Variants in AMER2 observed in about 807,000 individuals in gnomAD.
AMER2 encodes family with sequence similarity 123A.
A neutral mutation model predicts 4.7 loss-of-function variants in AMER2; 1 was observed. The ratio of observed to expected loss-of-function variants is 0.21; its 90% CI spans 0.07 to 1.00. The LOEUF (loss-of-function observed/expected upper bound fraction) is 1.00. AMER2 is among the 50% of genes least tolerant of loss of function. The pLI is 0.60. For synonymous variants in AMER2, 485 were observed against 433.3 expected (o/e 1.12, Z -1.48); for missense variants, 988 against 966.9 (o/e 1.02, Z -0.29).
chr13:25,170,253 C>T lies in AMER2; in HGVS notation c.1367G>A (p.Gly456Asp). 6.2e-7 allele frequency: 1 copy of T among 1,612,830 alleles called. No homozygotes were observed. ...TEEQGPEPQE[G>D]AAKVAAALET... ...CAGCGCAGCTGCCACCTTAGCCGCG[C>T]CCTCCTGGGGCTCGGGTCCCTGCTC... is the stretch of plus-strand genomic sequence containing the variant. The change falls in exon 1 of 1, where the codon GGC (glycine) becomes GAC (aspartate). Residue 456 changes from glycine (G) to aspartate (D), a missense_variant. Transcript: ENST00000515384. The surrounding 1 kb of genome is among the most constrained non-coding windows in gnomAD (Gnocchi z 7.3).
In AMER2 at chr13:25,171,872, G is replaced by A; in HGVS notation, c.-253C>T. On this transcript the variant is annotated 5_prime_UTR_variant, in exon 1 of 1. Coordinates refer to ENST00000515384, the MANE Select transcript of AMER2 (RefSeq NM_152704.4). The surrounding 1 kb of genome is among the most constrained non-coding windows in gnomAD (Gnocchi z 5.9). The stretch of plus-strand genomic sequence containing the variant: ...CCGCGAGCTGATTGCAGAAATTCGA[G>A]TCGTAATTATGGAATTCAAATTCCC... 2 of 583,064 alleles carry A rather than the reference G, an allele frequency of 3.4e-6. No homozygotes were observed. The highest frequency in any genetic ancestry group is 5.1e-6 in the Non-Finnish European group (2 of 390,312). The allele number at this position is 583,064 out of a possible 1,614,324, so 36.1% of individuals were successfully genotyped here. A position where few individuals can be genotyped will look rare whatever the true frequency, so the allele number is the denominator to read the frequency against.
rs774202424 is a variant in AMER2 at position 25,170,943 on chromosome 13, A to G, written c.677T>C (p.Leu226Pro). The change falls in exon 1 of 1, where the codon CTA becomes CCA. Residue 226 changes from leucine (L) to proline (P), a missense_variant. By Grantham distance (98) the Leu-to-Pro change is moderately conservative. Transcript: ENST00000515384. This position sits in a 1 kb window ranked among gnomAD's most constrained non-coding sequence, Gnocchi z 7.3. ...EGRAPGGGLI[L>P]PGSLTASLEC... The stretch of plus-strand genomic sequence containing the variant: ...CAGGCTGGCGGTGAGCGAGCCGGGT[A>G]GGATCAAGCCGCCCCCGGGCGCGCG... 1.4e-5 allele frequency: 21 copies of G among 1,521,066 alleles called. 1 individual carries two copies. The East Asian group carries it at 4.0e-4, about 29-fold the overall frequency. 94.2% of individuals were successfully genotyped at this position (1,521,066 alleles called of 1,614,324 possible). A position where few individuals can be genotyped will look rare whatever the true frequency, so the allele number is the denominator to read the frequency against.
Position 25,171,553 on chromosome 13 carries a change from C to G in AMER2, c.67G>C (p.Val23Leu). 1 of 1,575,662 alleles carries G rather than the reference C, an allele frequency of 6.3e-7. No individual in the cohort carries two copies. Among genetic ancestry groups the G allele is most frequent in the Non-Finnish European group, 8.6e-7 (1 of 1,168,988 alleles). ...TCCGCCTTCCTCCTGCAGACCCCCA[C>G]GGACGCGCCAGCTCCGCCGCGCTCG... is the stretch of plus-strand genomic sequence containing the variant. ...VSERGGAGAS[V>L]GVCRRKAEAG... is the part of the protein sequence containing the mutation. Residue 23 changes from valine (V) to leucine (L), a missense_variant, in exon 1 of 1, where the codon GTG becomes CTG. Val to Leu is a conservative substitution (Grantham distance 32). Coordinates refer to ENST00000515384, the MANE Select transcript of AMER2 (RefSeq NM_152704.4). The surrounding 1 kb of genome is among the most constrained non-coding windows in gnomAD (Gnocchi z 5.9).
rs937091123 is a variant in AMER2, at chr13:25,167,754, G to C, written c.*1850C>G. 1 of 152,094 alleles carries C rather than the reference G, an allele frequency of 6.6e-6. No homozygotes were observed. Among genetic ancestry groups the C allele is most frequent in the South Asian group, 2.1e-4 (1 of 4,822 alleles). 9.4% of individuals were successfully genotyped at this position (152,094 alleles called of 1,614,324 possible). ...TTGAATCACTGCAAATTTAAAATGGGGAATGGCCTACTTTCTGCTACTGGC... is the reference window on the plus strand; with the variant it reads ...TTGAATCACTGCAAATTTAAAATGGCGAATGGCCTACTTTCTGCTACTGGC... On this transcript the variant is annotated 3_prime_UTR_variant, in exon 1 of 1. Coordinates refer to ENST00000515384, the MANE Select transcript of AMER2 (RefSeq NM_152704.4).
rs866816754 is a variant in AMER2 at position 25,167,625 on chromosome 13, A to C, written c.*1979T>G. The C allele has an allele frequency of 3.9e-4, 60 of 152,294 alleles. No individual in the cohort carries two copies. Among genetic ancestry groups the C allele is most frequent in the African/African-American group, 1.4e-3 (60 of 41,590 alleles). 9.4% of individuals were successfully genotyped at this position (152,294 alleles called of 1,614,324 possible). A position where few individuals can be genotyped will look rare whatever the true frequency, so the allele number is the denominator to read the frequency against. ...AGGGCCTCATTTACACACATAAAGA[A>C]ATTAAATATTAAAAGATTACTTTGA... On this transcript the variant is annotated 3_prime_UTR_variant, in exon 1 of 1. Coordinates refer to ENST00000515384, the MANE Select transcript of AMER2 (RefSeq NM_152704.4).
In AMER2 at chr13:25,166,102, GCAAATACTTGAAGACTA is replaced by G. The variant is rs1269672976; in HGVS notation, c.*3485_*3501del. ...AGGGCTATTTGCATACTGTTTAACT[GCAAATACTTGAAGACTA>G]CCTCTGAGATGAAGAAATAAATCCT... is the stretch of plus-strand genomic sequence containing the variant. On this transcript the variant is annotated 3_prime_UTR_variant, in exon 1 of 1. Coordinates refer to ENST00000515384, the MANE Select transcript of AMER2 (RefSeq NM_152704.4). 2.6e-5 allele frequency: 4 copies of G among 152,212 alleles called. No individual in the cohort carries two copies. Among genetic ancestry groups the G allele is most frequent in the African/African-American group, 9.6e-5 (4 of 41,460 alleles). The allele number at this position is 152,212 out of a possible 1,614,324, so 9.4% of individuals were successfully genotyped here. A position where few individuals can be genotyped will look rare whatever the true frequency, so the allele number is the denominator to read the frequency against.
In AMER2 at chr13:25,166,896, T is replaced by C. The variant is rs932521199; in HGVS notation, c.*2708A>G. 1 of 152,202 alleles carries C rather than the reference T, an allele frequency of 6.6e-6. No homozygotes were observed. The highest frequency in any genetic ancestry group is 1.5e-5 in the Non-Finnish European group (1 of 68,022). 9.4% of individuals were successfully genotyped at this position (152,202 alleles called of 1,614,324 possible). A position where few individuals can be genotyped will look rare whatever the true frequency, so the allele number is the denominator to read the frequency against. The stretch of plus-strand genomic sequence containing the variant: ...ACTCCAGGGATTTCCCATCAAGTGA[T>C]TGAGGCTGTTTAATTCATTGCCCAA... On this transcript the variant is annotated 3_prime_UTR_variant, in exon 1 of 1. Coordinates refer to ENST00000515384, the MANE Select transcript of AMER2 (RefSeq NM_152704.4).
In AMER2 at chr13:25,170,602, C is replaced by T. The variant is rs1232865156; in HGVS notation, c.1018G>A (p.Gly340Ser). The change falls in exon 1 of 1, where the codon GGC becomes AGC. Residue 340 changes from glycine (G) to serine (S), a missense_variant. Gly to Ser is a moderately conservative substitution (Grantham distance 56). Transcript: ENST00000515384. This position sits in a 1 kb window ranked among gnomAD's most constrained non-coding sequence, Gnocchi z 7.3. Reference protein sequence around the residue: ...VPLVDSEGGSGRAPAAPDPAS... With the variant: ...VPLVDSEGGSSRAPAAPDPAS... The stretch of plus-strand genomic sequence containing the variant: ...GGGTCTGGGGCGGCGGGCGCCCGGC[C>T]GCTGCCGCCTTCGGAGTCGACAAGG... 10 of 1,586,318 alleles carry T rather than the reference C, an allele frequency of 6.3e-6. No individual in the cohort carries two copies. The highest frequency in any genetic ancestry group is 8.6e-6 in the Non-Finnish European group (10 of 1,165,786).
At position 25,170,704 on chromosome 13, in the gene AMER2, C is replaced by G. The variant is rs777199055; in HGVS notation, c.916G>C (p.Ala306Pro). Reference sequence around the variant, plus strand: ...CGGACCTCCCCGGGCCCCGGCTCGGCGCGCCGATGCCCCGCGGCGTCCTCT... The same window carrying G: ...CGGACCTCCCCGGGCCCCGGCTCGGGGCGCCGATGCCCCGCGGCGTCCTCT... ...RGEDAAGHRR[A>P]EPGPGEVRTA... The change falls in exon 1 of 1, where the codon GCC becomes CCC. Residue 306 changes from alanine to proline, a missense_variant. Physicochemically the swap from Ala to Pro is conservative, Grantham distance 27. Transcript: ENST00000515384. This position sits in a 1 kb window ranked among gnomAD's most constrained non-coding sequence, Gnocchi z 7.3. The G allele has an allele frequency of 6.0e-6, 9 of 1,498,390 alleles. No homozygotes were observed. The highest frequency in any genetic ancestry group is 5.6e-5 in the East Asian group (2 of 35,724). 92.8% of individuals were successfully genotyped at this position (1,498,390 alleles called of 1,614,324 possible).
Position 25,170,384 on chromosome 13 carries a change from G to A in AMER2, c.1236C>T (p.Asn412=), listed in dbSNP as rs768255920. ...CTCCTTGGTAGGCCACCACGCCGGG[G>A]TTCTTTTTAGACAGAGCCGGCTTGC... is the stretch of plus-strand genomic sequence containing the variant. The part of the protein sequence containing the change: ...GPGKPALSKK[N]PGVVAYQGGG... The change falls in exon 1 of 1, where the codon AAC becomes AAT. Residue 412 remains asparagine (N), a synonymous_variant. Transcript: ENST00000515384. The surrounding 1 kb of genome is among the most constrained non-coding windows in gnomAD (Gnocchi z 7.3). 5.6e-6 allele frequency: 9 copies of A among 1,614,128 alleles called. No individual in the cohort carries two copies. The highest frequency in any genetic ancestry group is 1.3e-5 in the African/African-American group (1 of 75,064).
In AMER2 at chr13:25,166,874, C is replaced by T. The variant is rs1165072059; in HGVS notation, c.*2730G>A. On this transcript the variant is annotated 3_prime_UTR_variant, in exon 1 of 1. Transcript: ENST00000515384. ...TTGAGAATCTACTCTTCCTGCCACT[C>T]CAGGGATTTCCCATCAAGTGATTGA... 1 of 152,136 alleles carries T rather than the reference C, an allele frequency of 6.6e-6. No individual in the cohort carries two copies. The highest frequency in any genetic ancestry group is 1.5e-5 in the Non-Finnish European group (1 of 68,026). The allele number at this position is 152,136 out of a possible 1,614,324, so 9.4% of individuals were successfully genotyped here.
rs1956532661 is a variant in AMER2, at chr13:25,169,980, C to G, written c.1640G>C (p.Arg547Pro). ...SSSGKKAGIP[R>P]DSYSGDALYD... Reference sequence around the variant, plus strand: ...GAGCGCGTCCCCGCTGTAGCTATCCCGGGGGATGCCCGCCTTCTTCCCGCT... The same window carrying G: ...GAGCGCGTCCCCGCTGTAGCTATCCGGGGGGATGCCCGCCTTCTTCCCGCT... The change falls in exon 1 of 1, where the codon CGG (arginine) becomes CCG (proline). Residue 547 changes from arginine to proline, a missense_variant. Coordinates refer to ENST00000515384, the MANE Select transcript of AMER2 (RefSeq NM_152704.4). This position sits in a 1 kb window ranked among gnomAD's most constrained non-coding sequence, Gnocchi z 4.2. 6.2e-7 allele frequency: 1 copy of G among 1,614,046 alleles called. No homozygotes were observed. Among genetic ancestry groups the G allele is most frequent in the Non-Finnish European group, 8.5e-7 (1 of 1,179,988 alleles).
rs1460388789 is a variant in AMER2, at chr13:25,171,326, C to T, written c.294G>A (p.Thr98=). ...NKGDGKSSGP[T]GLVRSRTHDG... ...CGTGGGTCCTGCTCCTCACCAGCCC[C>T]GTCGGACCCGAGCTTTTCCCGTCCC... The change falls in exon 1 of 1, where the codon ACG becomes ACA. Residue 98 remains threonine, a synonymous_variant. Coordinates refer to ENST00000515384, the MANE Select transcript of AMER2 (RefSeq NM_152704.4). The surrounding 1 kb of genome is among the most constrained non-coding windows in gnomAD (Gnocchi z 5.9). 2.5e-6 allele frequency: 4 copies of T among 1,609,050 alleles called. No individual in the cohort carries two copies. Among genetic ancestry groups the T allele is most frequent in the East Asian group, 2.3e-5 (1 of 44,350 alleles).
chr13:25,169,522 A>G lies in AMER2; in HGVS notation c.*82T>C. 6.7e-7 allele frequency: 1 copy of G among 1,502,464 alleles called. No individual in the cohort carries two copies. 93.1% of individuals were successfully genotyped at this position (1,502,464 alleles called of 1,614,324 possible). ...GGTGTCCTAAAAGACTTTCTTTAGG[A>G]AAAGCAAAACTTACTTTAGTGGTTT... On this transcript the variant is annotated 3_prime_UTR_variant, in exon 1 of 1. Coordinates refer to ENST00000515384, the MANE Select transcript of AMER2 (RefSeq NM_152704.4). This position sits in a 1 kb window ranked among gnomAD's most constrained non-coding sequence, Gnocchi z 4.2.
In AMER2 at chr13:25,169,672, T is replaced by C; in HGVS notation, c.1948A>G (p.Ser650Gly). ...PVSKVLVRRV[S>G]NRGLAGTTIR... ...GTGGTCCCAGCCAAGCCCCGGTTGC[T>C]GACTCTGCGGACCAGCACTTTGGAA... The change falls in exon 1 of 1, where the codon AGC (serine) becomes GGC (glycine). Residue 650 changes from serine (S) to glycine (G), a missense_variant. Coordinates refer to ENST00000515384, the MANE Select transcript of AMER2 (RefSeq NM_152704.4). The surrounding 1 kb of genome is among the most constrained non-coding windows in gnomAD (Gnocchi z 4.2). 1 of 1,613,814 alleles carries C rather than the reference T, an allele frequency of 6.2e-7. No homozygotes were observed. Among genetic ancestry groups the C allele is most frequent in the Non-Finnish European group, 8.5e-7 (1 of 1,179,814 alleles).
chr13:25,170,865 C>G lies in AMER2; in HGVS notation c.755G>C (p.Ser252Thr). The G allele has an allele frequency of 6.9e-7, 1 of 1,456,398 alleles. No individual in the cohort carries two copies. Among genetic ancestry groups the G allele is most frequent in the South Asian group, 1.4e-5 (1 of 69,164 alleles). The allele number at this position is 1,456,398 out of a possible 1,614,324, so 90.2% of individuals were successfully genotyped here. Residue 252 changes from serine (S) to threonine (T), a missense_variant, in exon 1 of 1, where the codon AGC (serine) becomes ACC (threonine). Ser to Thr is a moderately conservative substitution (Grantham distance 58). Transcript: ENST00000515384. This position sits in a 1 kb window ranked among gnomAD's most constrained non-coding sequence, Gnocchi z 7.3. ...TGCTGGGTCTCGCGGGGCGTCCTGG[C>G]TGGGCTCCTCCGGCTCGCGCGCGGC... ...PRAAREPEEP[S>T]QDAPRDPAGE...
At position 25,171,059 on chromosome 13, in the gene AMER2, G is replaced by C; in HGVS notation, c.561C>G (p.Gly187=). The change falls in exon 1 of 1, where the codon GGC becomes GGG. Residue 187 remains glycine (G), a synonymous_variant. Transcript: ENST00000515384. This position sits in a 1 kb window ranked among gnomAD's most constrained non-coding sequence, Gnocchi z 5.9. ...CCCGCAGCCCCCGCTTTTGTTTGCC[G>C]CCGGCCTTGCTCGCGTCCACAGGCT... is the stretch of plus-strand genomic sequence containing the variant. ...KGEPVDASKA[G]GKQKRGLRGL... is the part of the protein sequence containing the mutation. 1 of 1,578,026 alleles carries C rather than the reference G, an allele frequency of 6.3e-7. No homozygotes were observed. The highest frequency in any genetic ancestry group is 8.6e-7 in the Non-Finnish European group (1 of 1,163,618).
In AMER2 at chr13:25,171,232, C is replaced by A; in HGVS notation, c.388G>T (p.Gly130Cys). The A allele has an allele frequency of 7.2e-7, 1 of 1,386,284 alleles. No individual in the cohort carries two copies. Among genetic ancestry groups the A allele is most frequent in the Non-Finnish European group, 9.3e-7 (1 of 1,073,706 alleles). The allele number at this position is 1,386,284 out of a possible 1,614,324, so 85.9% of individuals were successfully genotyped here. Residue 130 changes from glycine to cysteine, a missense_variant, in exon 1 of 1, where the codon GGC becomes TGC. Gly to Cys is a radical substitution (Grantham distance 159, BLOSUM62 -3). Transcript: ENST00000515384. The surrounding 1 kb of genome is among the most constrained non-coding windows in gnomAD (Gnocchi z 5.9). The part of the protein sequence containing the change: ...KEEPRGGGDS[G>C]GGGGGRPNPG... ...TTCGGCCGCCCCCCGCCGCCCCCGC[C>A]GCTGTCGCCCCCGCCGCGCGGCTCC...
chr13:25,170,701 C>T lies in AMER2; in HGVS notation c.919G>A (p.Glu307Lys), dbSNP rs1194945444. The change falls in exon 1 of 1, where the codon GAG (glutamate) becomes AAG (lysine). Residue 307 changes from glutamate to lysine, a missense_variant. Transcript: ENST00000515384. The surrounding 1 kb of genome is among the most constrained non-coding windows in gnomAD (Gnocchi z 7.3). The stretch of plus-strand genomic sequence containing the variant: ...GTGCGGACCTCCCCGGGCCCCGGCT[C>T]GGCGCGCCGATGCCCCGCGGCGTCC... ...GEDAAGHRRAEPGPGEVRTAE... is the reference protein window; with the variant it reads ...GEDAAGHRRAKPGPGEVRTAE... 6 of 1,505,228 alleles carry T rather than the reference C, an allele frequency of 4.0e-6. No individual in the cohort carries two copies. Among genetic ancestry groups the T allele is most frequent in the Non-Finnish European group, 2.7e-6 (3 of 1,130,332 alleles). The allele number at this position is 1,505,228 out of a possible 1,614,324, so 93.2% of individuals were successfully genotyped here. A position where few individuals can be genotyped will look rare whatever the true frequency, so the allele number is the denominator to read the frequency against.
Sources: gnomAD v4.1 joint callset for allele counts on GRCh38, gnomAD v4.1.1 for gene constraint, Gnocchi (gnomAD v3.1) non-coding constraint, MANE v1.5 for transcripts, NCBI Gene and HGNC (gene_info 2026-07-23, HGNC 2026-07-21) for gene names.